Variants in AXDND1 observed in about 807,000 individuals in gnomAD.
AXDND1 encodes axonemal dynein light chain domain containing 1, also known as axonemal dynein light chain domain-containing protein 1.
A neutral mutation model predicts 137.5 loss-of-function variants in AXDND1; 110 were observed. The observed-to-expected ratio is 0.80, with a 90% confidence interval of 0.69 to 0.94. The LOEUF (loss-of-function observed/expected upper bound fraction) is 0.94. Among genes scored for constraint, AXDND1 ranks in the 40% least tolerant of loss-of-function variants. AXDND1 has a pLI of 0.00. For missense variants in AXDND1, 1,191 were observed against 1,169.8 expected (o/e 1.02, Z -0.26); for synonymous variants, 414 against 399.7 (o/e 1.04, Z -0.43).
chr1:179,387,342 T>C (rs1221217475), intron 9 of AXDND1, among the ~76,000 whole-genome samples: 1 of 151,922 alleles, frequency 6.6e-6, no homozygotes, highest in Non-Finnish European at 1.5e-5. Context: ...TGACAGAAAG[T>C]GAGAGGGTGA....
intron 16 of AXDND1, among the ~76,000 whole-genome samples, chr1:179,460,456 A>G (rs574447893): frequency 6.6e-6 from 1 of 152,244 alleles, no homozygotes; most frequent in African/African-American, 2.4e-5. Flanking sequence ...TCACTGATGG[A>G]CATTTGGGTT....
intron 4 of AXDND1, among the ~76,000 whole-genome samples, chr1:179,372,514 A>G (rs977660033): frequency 1.3e-5 from 2 of 152,190 alleles, no homozygotes; most frequent in Non-Finnish European, 2.9e-5. Context: ...CGAGTTGGAG[A>G]ATTTCTTAAA....
At chr1:179,514,649 T>G (rs1332205001) in intron 21 of AXDND1, among the ~76,000 whole-genome samples, 1 of 152,204 alleles carries the variant, frequency 6.6e-6, no homozygotes. Flanking sequence ...TCCTGTCTAG[T>G]GCTGTCAGTG....
Position 179,533,793 on chromosome 1 carries a change from A to G in AXDND1, c.2716-2A>G. On this transcript the variant is annotated splice_acceptor_variant, in intron 23 of 25. Coordinates refer to ENST00000367618, the MANE Select transcript of AXDND1 (RefSeq NM_144696.6). LOFTEE classifies it high-confidence loss of function. The stretch of plus-strand genomic sequence containing the variant: ...ATTCATATCTCATATTTCCTCTGTC[A>G]GAGAGAGTCAGCTAAGCAAGGTACA... 1 of 1,607,016 alleles carries G rather than the reference A, an allele frequency of 6.2e-7. No individual in the cohort carries two copies. The highest frequency in any genetic ancestry group is 8.5e-7 in the Non-Finnish European group (1 of 1,173,946).
chr1:179,551,403 C>A (rs780106305), intron 25 of AXDND1: 1 of 1,614,030 alleles, frequency 6.2e-7, no homozygotes, highest in Non-Finnish European at 8.5e-7. Flanking sequence ...ATCTCAGCTG[C>A]CATCCTCAGG....
intron 25 of AXDND1, among the ~76,000 whole-genome samples, chr1:179,553,218 A>G (rs1430320236): frequency 6.6e-6 from 1 of 152,246 alleles, no homozygotes; most frequent in Non-Finnish European, 1.5e-5. Flanking sequence ...AAAAAGTTAA[A>G]TACGGAGTTA....
chr1:179,470,716 C>A (rs1253289757), intron 17 of AXDND1, among the ~76,000 whole-genome samples: 1 of 151,986 alleles, frequency 6.6e-6, no homozygotes, highest in Non-Finnish European at 1.5e-5. Context: ...AAAGATCATA[C>A]CTATAAATAC....
intron 12 of AXDND1, among the ~76,000 whole-genome samples, chr1:179,422,986 A>G (rs4394601): frequency 0.12 from 17,534 of 151,708 alleles, 1,202 homozygotes; most frequent in East Asian, 0.35. Flanking sequence ...CTGGTCTCGA[A>G]CTCCTGACCT....
intron 16 of AXDND1, among the ~76,000 whole-genome samples, chr1:179,466,239 C>T (rs2125467544): frequency 6.6e-6 from 1 of 151,594 alleles, no homozygotes; most frequent in African/African-American, 2.4e-5. Flanking sequence ...CCTATTCGGC[C>T]ATCTTGGAAC....
chr1:179,483,082 C>A, intron 17 of AXDND1, 46 bp from the exon 18 acceptor site: 2 of 1,307,468 alleles, frequency 1.5e-6, no homozygotes, highest in Non-Finnish European at 2.2e-6. Context: ...TACATTTATC[C>A]TTTAAATCAG....
chr1:179,473,375 G>A (rs1664202653), intron 17 of AXDND1, among the ~76,000 whole-genome samples: 1 of 152,010 alleles, frequency 6.6e-6, no homozygotes, highest in African/African-American at 2.4e-5. Flanking sequence ...GTGGGTGCCT[G>A]TAATCCCAGC....
chr1:179,402,859 T>C (rs2125179933), intron 11 of AXDND1, among the ~76,000 whole-genome samples: 2 of 152,366 alleles, frequency 1.3e-5, no homozygotes, highest in Middle Eastern at 6.8e-3. Context: ...AAATGGCACT[T>C]GACAAAGTCA....
At chr1:179,513,149 C>G (rs1669210720) in intron 21 of AXDND1, among the ~76,000 whole-genome samples, 1 of 152,112 alleles carries the variant, frequency 6.6e-6, no homozygotes, top group African/African-American at 2.4e-5. Context: ...TTCCAGTTCT[C>G]AGAGAGAATG....
chr1:179,368,673 T>C, intron 2 of AXDND1, 127 bp from the exon 3 acceptor site: 1 of 749,896 alleles, frequency 1.3e-6, no homozygotes, highest in South Asian at 2.2e-5. Flanking sequence ...TTTGTTACTA[T>C]CTTTGTCAAA....
At chr1:179,376,256 G>A (rs903592155) in intron 4 of AXDND1, among the ~76,000 whole-genome samples, 3 of 152,006 alleles carry the variant, frequency 2.0e-5, no homozygotes, top group Admixed American at 2.0e-4. Flanking sequence ...GGGATATGTG[G>A]GGGATTGGTT....
intron 11 of AXDND1, among the ~76,000 whole-genome samples, chr1:179,399,261 C>T (rs573561914): frequency 7.9e-5 from 12 of 152,060 alleles, no homozygotes; most frequent in South Asian, 2.1e-4. Flanking sequence ...TAGAGAATCC[C>T]GAAATAAACC....
At chr1:179,398,361 C>T (rs913935458) in intron 11 of AXDND1, among the ~76,000 whole-genome samples, 1 of 152,156 alleles carries the variant, frequency 6.6e-6, no homozygotes, top group South Asian at 2.1e-4. Flanking sequence ...ATCCACTGCA[C>T]TGGGGGGAGC....
At chr1:179,383,887 A>C (rs941885789) in intron 8 of AXDND1, among the ~76,000 whole-genome samples, 2 of 152,138 alleles carry the variant, frequency 1.3e-5, no homozygotes, top group African/African-American at 4.8e-5. Flanking sequence ...ACTAAAAAAC[A>C]CTGCCAGGTA....
chr1:179,489,348 T>C (rs1666578951), intron 18 of AXDND1, among the ~76,000 whole-genome samples: 1 of 152,188 alleles, frequency 6.6e-6, no homozygotes, highest in African/African-American at 2.4e-5. Context: ...ATCTCTCTAA[T>C]ATAACTTTTA....
Sources: allele counts gnomAD v4.1 joint callset (sites outside exome capture counted in the v4.1 genomes callset), GRCh38; gene constraint gnomAD v4.1.1; transcripts MANE v1.5; gene names NCBI Gene and HGNC (gene_info 2026-07-23, HGNC 2026-07-21).